CSMD1: variants seen among roughly 807,000 people sequenced by gnomAD.
CSMD1 encodes CUB and Sushi multiple domains 1, also known as CUB and sushi domain-containing protein 1.
CSMD1 carries 213 observed loss-of-function variants against 417.5 expected under a neutral mutation model. The ratio of observed to expected loss-of-function variants is 0.51; its 90% confidence interval spans 0.46 to 0.57. CSMD1 has a LOEUF of 0.57. Among genes scored for constraint, CSMD1 ranks in the 20% least tolerant of loss-of-function variants. The probability of loss-of-function intolerance (pLI) is 0.00; values close to 1 mark genes in which losing one functional copy is unlikely to be tolerated. For missense variants in CSMD1, 6,923 were observed against 4,529.7 expected (o/e 1.53, Z -15.17); for synonymous variants, 2,862 against 1,736.8 (o/e 1.65, Z -16.11).
intron 4 of CSMD1, 133 bp from the exon 5 acceptor site, chr8:3,998,243 A>C: frequency 1.4e-6 from 1 of 695,534 alleles, no homozygotes; most frequent in East Asian, 2.7e-5. Context: ...CAATCTGAAA[A>C]AGAATCTTTT....
At chr8:3,600,887 A>C (rs1193565497) in intron 8 of CSMD1, among the ~76,000 whole-genome samples, 5 of 152,208 alleles carry the variant, frequency 3.3e-5, no homozygotes, top group Admixed American at 2.6e-4. Context: ...AAATGATTTC[A>C]ATACAATAAA....
intron 3 of CSMD1, among the ~76,000 whole-genome samples, chr8:4,208,350 TG>T (rs1389989271): frequency 6.6e-6 from 1 of 152,160 alleles, no homozygotes; most frequent in Non-Finnish European, 1.5e-5. Flanking sequence ...GAATCCTTCC[TG>T]GAGTAAGAGG....
At chr8:4,514,451 A>G (rs1412207799) in intron 2 of CSMD1, among the ~76,000 whole-genome samples, 2 of 152,164 alleles carry the variant, frequency 1.3e-5, no homozygotes, top group African/African-American at 4.8e-5. Flanking sequence ...CCTGATATGC[A>G]TTTTTAAGTA....
chr8:3,218,636 C>T (rs760744576), intron 29 of CSMD1, among the ~76,000 whole-genome samples: 1 of 151,586 alleles, frequency 6.6e-6, no homozygotes, highest in African/African-American at 2.4e-5. Context: ...CTTTGGGAGG[C>T]CGAGGCAGGT....
intron 5 of CSMD1, among the ~76,000 whole-genome samples, chr8:3,774,017 C>T (rs1406075738): frequency 2.0e-5 from 3 of 152,116 alleles, no homozygotes; most frequent in East Asian, 1.9e-4. Flanking sequence ...ACAGTTGCTG[C>T]GCTATCCTAC....
intron 3 of CSMD1, among the ~76,000 whole-genome samples, chr8:4,323,376 C>A (rs9314523): frequency 6.6e-6 from 1 of 151,982 alleles, no homozygotes; most frequent in African/African-American, 2.4e-5. Flanking sequence ...CTTTCCTGTA[C>A]AGCATGGCCT....
intron 3 of CSMD1, among the ~76,000 whole-genome samples, chr8:4,407,875 A>C (rs10089026): frequency 4.6e-5 from 7 of 152,066 alleles, no homozygotes; most frequent in Admixed American, 4.6e-4. Context: ...TTGAAAGCTC[A>C]TATTTATGAG....
chr8:3,310,929 C>T (rs374501099), intron 23 of CSMD1, among the ~76,000 whole-genome samples: 1 of 152,162 alleles, frequency 6.6e-6, no homozygotes, highest in African/African-American at 2.4e-5. Context: ...GCACGTAATG[C>T]TTCTAAACTG....
intron 5 of CSMD1, among the ~76,000 whole-genome samples, chr8:3,883,981 A>G (rs1653230548): frequency 3.9e-5 from 6 of 152,204 alleles, no homozygotes; most frequent in Admixed American, 3.3e-4. Context: ...ATACTAAGAT[A>G]AACAGACACA....
At chr8:3,082,404 T>A (rs757150018) in intron 49 of CSMD1, among the ~76,000 whole-genome samples, 2 of 152,096 alleles carry the variant, frequency 1.3e-5, no homozygotes, top group African/African-American at 2.4e-5. Context: ...CTCCACCATG[T>A]CCCCTTCACA....
In CSMD1 at chr8:2,963,325, G is replaced by A. The variant is rs371458326; in HGVS notation, c.9351C>T (p.Ser3117=). Residue 3117 remains serine (S), a synonymous_variant, in exon 60 of 70, where the codon TCC becomes TCT. Coordinates refer to ENST00000635120, the MANE Select transcript of CSMD1 (RefSeq NM_033225.6). ...TVEGSDFRWG[S]SISYSCMDGY... is the part of the protein sequence containing the mutation. ...CGTCCATGCAGCTGTAACTTATGCT[G>A]GAGCCCCAGCGGAAATCACTTCCCT... The A allele has an allele frequency of 1.2e-5, 20 of 1,613,796 alleles. No individual in the cohort carries two copies. Among genetic ancestry groups the A allele is most frequent in the African/African-American group, 4.0e-5 (3 of 74,914 alleles).
chr8:3,446,395 T>A (rs923942058), intron 12 of CSMD1, among the ~76,000 whole-genome samples: 5 of 152,238 alleles, frequency 3.3e-5, no homozygotes, highest in Admixed American at 2.6e-4. Context: ...CAACTGAGGA[T>A]CTGTCCTCTC....
At chr8:3,268,237 G>GAGGCC (rs999159124) in intron 26 of CSMD1, among the ~76,000 whole-genome samples, 2 of 138,488 alleles carry the variant, frequency 1.4e-5, no homozygotes, top group Non-Finnish European at 3.2e-5. Flanking sequence ...TGCACACAAT[G>GAGGCC]AGGCCAGGGC....
At chr8:4,700,133 T>C (rs996233099) in intron 1 of CSMD1, among the ~76,000 whole-genome samples, 4 of 152,172 alleles carry the variant, frequency 2.6e-5, no homozygotes, top group African/African-American at 9.7e-5. Context: ...TTTTGTTTAA[T>C]TTTTATTTTT....
chr8:4,113,121 T>A (rs1277847129), intron 3 of CSMD1, among the ~76,000 whole-genome samples: 1 of 152,164 alleles, frequency 6.6e-6, no homozygotes, highest in Non-Finnish European at 1.5e-5. Flanking sequence ...TTCTTACTGT[T>A]CCACTCATCA....
chr8:3,127,752 C>A (rs1335827326), intron 41 of CSMD1: 4 of 151,944 alleles, frequency 2.6e-5, no homozygotes, highest in Non-Finnish European at 5.9e-5. Context: ...GAGATTTTGG[C>A]ATTGAATAAG....
At chr8:4,786,445 G>A (rs1563380718) in intron 1 of CSMD1, among the ~76,000 whole-genome samples, 1 of 152,186 alleles carries the variant, frequency 6.6e-6, no homozygotes, top group Admixed American at 6.5e-5. Flanking sequence ...CATTCATCAT[G>A]TATCTTGCTG....
chr8:4,376,260 T>G (rs1046755298), intron 3 of CSMD1, among the ~76,000 whole-genome samples: 1 of 152,214 alleles, frequency 6.6e-6, no homozygotes, highest in African/African-American at 2.4e-5. Context: ...GATAGCATTT[T>G]CTCTGATGGT....
chr8:3,177,817 G>T (rs1336478859), intron 37 of CSMD1, among the ~76,000 whole-genome samples: 1 of 152,094 alleles, frequency 6.6e-6, no homozygotes, highest in East Asian at 1.9e-4. Context: ...CTTGAGGTCA[G>T]GCTTTGTAAT....
Sources: allele counts gnomAD v4.1 joint callset (sites outside exome capture counted in the v4.1 genomes callset), GRCh38; gene constraint gnomAD v4.1.1; transcripts MANE v1.5; gene names NCBI Gene and HGNC (gene_info 2026-07-23, HGNC 2026-07-21).